Variants in CIITA observed in about 807,000 individuals in gnomAD.
CIITA encodes the protein MHC class II transactivator.
CIITA carries 72 observed loss-of-function variants against 115.1 expected under a neutral mutation model. The observed-to-expected ratio is 0.63, with a 90% CI of 0.52 to 0.76. The LOEUF (loss-of-function observed/expected upper bound fraction) is 0.76, where lower values mean the gene tolerates loss of function less well. Ranked by LOEUF, CIITA falls within the 30% of genes least tolerant of loss-of-function variation. The pLI is 0.00. For synonymous variants in CIITA, 763 were observed against 635.6 expected (o/e 1.20, Z -3.02); for missense variants, 1,617 against 1,463.8 (o/e 1.10, Z -1.71).
upstream of CIITA, among the ~76,000 whole-genome samples, chr16:10,875,236 G>A (rs910844771): frequency 6.6e-6 from 1 of 152,138 alleles, no homozygotes; most frequent in African/African-American, 2.4e-5. Context: ...TAGGATTACA[G>A]GCATGAGCCA....
rs1275991294 is a variant in CIITA at position 10,942,037 on chromosome 16, T to C, written n.1163T>C. 1.5e-6 allele frequency: 2 copies of C among 1,370,962 alleles called. No individual in the cohort carries two copies. The highest frequency in any genetic ancestry group is 3.1e-5 in the African/African-American group (2 of 65,356). 84.9% of individuals were successfully genotyped at this position (1,370,962 alleles called of 1,614,324 possible). On this transcript the variant is annotated non_coding_transcript_exon_variant, in exon 2 of 2. Coordinates refer to the CIITA transcript ENST00000573379. The surrounding 1 kb of genome is among the most constrained non-coding windows in gnomAD (Gnocchi z 5.0). Reference sequence around the variant, plus strand: ...GGTGGCAAGGGCGGCGGCCCGGCGATCCCGGCGAACTCAGCCGCTGCGGCG... The same window carrying C: ...GGTGGCAAGGGCGGCGGCCCGGCGACCCCGGCGAACTCAGCCGCTGCGGCG...
intron 1 of CIITA, among the ~76,000 whole-genome samples, chr16:10,880,582 C>G (rs1175704784): frequency 6.6e-6 from 1 of 152,204 alleles, no homozygotes; most frequent in East Asian, 1.9e-4. Flanking sequence ...AGATGTGAAC[C>G]TCCACAAATG....
In CIITA at chr16:10,920,237, A is replaced by C. The variant is rs1210360176; in HGVS notation, c.3149+1711A>C. The stretch of plus-strand genomic sequence containing the variant: ...GAAGGCGACACTTGATCTGATTTAC[A>C]CTTTTCTTTTTTCTTTTCTTTTCTT... On this transcript the variant is annotated intron_variant, in intron 16 of 19. Coordinates refer to ENST00000324288, the MANE Select transcript of CIITA (RefSeq NM_000246.4). This position sits in a 1 kb window ranked among gnomAD's most constrained non-coding sequence, Gnocchi z 4.5. 2.0e-5 allele frequency among the ~76,000 whole-genome samples: 3 copies of C among 152,132 alleles called. No individual in the cohort carries two copies. Among genetic ancestry groups the C allele is most frequent in the Admixed American group, 6.5e-5 (1 of 15,272 alleles).
In CIITA at chr16:10,918,501, C is replaced by T; in HGVS notation, c.3124C>T (p.Leu1042Phe). ...AYKLAEALPSLAASLLRLSLY... is the reference protein window; with the variant it reads ...AYKLAEALPSFAASLLRLSLY... ...CAAACTCGCCGAGGCCCTGCCTTCG[C>T]TCGCTGCATCCCTGCTCAGGCTAAG... is the stretch of plus-strand genomic sequence containing the variant. Residue 1042 changes from leucine (L) to phenylalanine (F), a missense_variant, in exon 16 of 20, where the codon CTC becomes TTC. Leu to Phe is a conservative substitution (Grantham distance 22). Transcript: ENST00000324288. 2 of 1,614,192 alleles carry T rather than the reference C, an allele frequency of 1.2e-6. No homozygotes were observed. The highest frequency in any genetic ancestry group is 2.2e-5 in the South Asian group (2 of 91,084).
chr16:10,886,998 T>C (rs570269424), intron 1 of CIITA, among the ~76,000 whole-genome samples: 3 of 152,386 alleles, frequency 2.0e-5, no homozygotes, highest in Admixed American at 1.3e-4. Flanking sequence ...GTGACTTTCT[T>C]ACGGGGTGCT....
intron 9 of CIITA, 47 bp downstream of exon 9, chr16:10,903,942 G>T: frequency 6.2e-7 from 1 of 1,612,432 alleles, no homozygotes; most frequent in South Asian, 1.1e-5. Flanking sequence ...CAGGATCGAG[G>T]CCCTGGGGAA....
Position 10,879,991 on chromosome 16 carries a change from G to A in CIITA, c.52+2609G>A, listed in dbSNP as rs1367361807. Among the ~76,000 whole-genome samples the A allele has an allele frequency of 6.6e-6, 1 of 152,166 alleles. No individual in the cohort carries two copies. The highest frequency in any genetic ancestry group is 2.4e-5 in the African/African-American group (1 of 41,428). ...GTCTAACTTTGGCAGGAAGTCTTCC[G>A]TTTCTGCTCCCCACTCCAGAGAAAA... On this transcript the variant is annotated intron_variant, in intron 1 of 19. Coordinates refer to ENST00000324288, the MANE Select transcript of CIITA (RefSeq NM_000246.4). This position sits in a 1 kb window ranked among gnomAD's most constrained non-coding sequence, Gnocchi z 4.3.
At chr16:10,881,298 GAA>G (rs140684571) in intron 1 of CIITA, among the ~76,000 whole-genome samples, 2 of 147,016 alleles carry the variant, frequency 1.4e-5, no homozygotes, top group African/African-American at 5.0e-5. Context: ...ACTGTCTCAG[GAA>G]AAAAAAAAGA....
At chr16:10,918,578 C>G (rs45558332) in intron 16 of CIITA, 52 bp downstream of exon 16, 138 of 1,509,254 alleles carry the variant, frequency 9.1e-5, no homozygotes, top group Middle Eastern at 8.6e-4. Flanking sequence ...GGCTGCAGAG[C>G]GCAGGGAACC....
rs2038023906 is a variant in CIITA, at chr16:10,895,420, T to C, written c.191T>C (p.Leu64Pro). 2 of 1,613,744 alleles carry C rather than the reference T, an allele frequency of 1.2e-6. No homozygotes were observed. Among genetic ancestry groups the C allele is most frequent in the Non-Finnish European group, 8.5e-7 (1 of 1,180,014 alleles). The stretch of plus-strand genomic sequence containing the variant: ...CTGGCTGGAGAAGAAGAGATTGAGC[T>C]CTACTCAGGTGGGCCCTCCTCCCTC... ...MDLAGEEEIELYSEPDTDTIN... is the reference protein window; with the variant it reads ...MDLAGEEEIEPYSEPDTDTIN... The change falls in exon 2 of 20, where the codon CTC (leucine) becomes CCC (proline). Residue 64 changes from leucine to proline, a missense_variant. Physicochemically the swap from Leu to Pro is moderately conservative, Grantham distance 98. Coordinates refer to ENST00000324288, the MANE Select transcript of CIITA (RefSeq NM_000246.4).
In CIITA at chr16:10,895,291, A is replaced by G. The variant is rs2038009984; in HGVS notation, c.62A>G (p.Gln21Arg). ...SYLSEPQGSS[Q>R]CATMELGPLE... ...TTGTCTTCCCTCCCAGGCAGCTCAC[A>G]GTGTGCCACCATGGAGTTGGGGCCC... The change falls in exon 2 of 20, where the codon CAG becomes CGG. Residue 21 changes from glutamine (Q) to arginine (R), a missense_variant. By Grantham distance (43) the Gln-to-Arg change is conservative. Coordinates refer to ENST00000324288, the MANE Select transcript of CIITA (RefSeq NM_000246.4). 1.9e-6 allele frequency: 3 copies of G among 1,613,870 alleles called. No individual in the cohort carries two copies. The highest frequency in any genetic ancestry group is 2.5e-6 in the Non-Finnish European group (3 of 1,180,034).
rs1159012221 is a variant in CIITA at position 10,901,059 on chromosome 16, G to T, written c.437-455G>T. On this transcript the variant is annotated intron_variant, in intron 5 of 19. Coordinates refer to ENST00000324288, the MANE Select transcript of CIITA (RefSeq NM_000246.4). This position sits in a 1 kb window ranked among gnomAD's most constrained non-coding sequence, Gnocchi z 6.8. ...ATTTGTTTAAGCAGTCCCTTGCTAA[G>T]GGACACGTGGGTTTTTAATCTGTTG... Among the ~76,000 whole-genome samples the T allele has an allele frequency of 6.6e-6, 1 of 152,136 alleles. No individual in the cohort carries two copies. Among genetic ancestry groups the T allele is most frequent in the African/African-American group, 2.4e-5 (1 of 41,422 alleles).
At chr16:10,892,405 A>G (rs1486961259) in intron 1 of CIITA, among the ~76,000 whole-genome samples, 1 of 152,058 alleles carries the variant, frequency 6.6e-6, no homozygotes, top group African/African-American at 2.4e-5. Context: ...TTACTCTTCA[A>G]TGTATTCTCT....
chr16:10,881,095 G>A (rs969512090), intron 1 of CIITA, among the ~76,000 whole-genome samples: 1 of 151,960 alleles, frequency 6.6e-6, no homozygotes, highest in African/African-American at 2.4e-5. Context: ...GCAACCTGGA[G>A]AAACCCCAAC....
Position 10,911,335 on chromosome 16 carries a change from C to A in CIITA, c.2888+1076C>A, listed in dbSNP as rs542510958. 4.2e-4 allele frequency among the ~76,000 whole-genome samples: 57 copies of A among 136,842 alleles called. No homozygotes were observed. The Middle Eastern group carries it at 0.011, about 27-fold the overall frequency. 89.8% of individuals were successfully genotyped at this position (136,842 alleles called of 152,430 possible). A position where few individuals can be genotyped will look rare whatever the true frequency, so the allele number is the denominator to read the frequency against. ...CCTTCCTTCCTTCCCTCCCTCCCTT[C>A]TTCCCCCTTTTCTTCTTTTTCTTTC... On this transcript the variant is annotated intron_variant, in intron 13 of 19. Coordinates refer to ENST00000324288, the MANE Select transcript of CIITA (RefSeq NM_000246.4).
intron 1 of CIITA, among the ~76,000 whole-genome samples, chr16:10,882,092 C>G (rs2036487270): frequency 6.6e-6 from 1 of 152,128 alleles, no homozygotes. Context: ...TTGTTCCTAC[C>G]TCTTGACTAT....
rs569144388 is a variant in CIITA, at chr16:10,869,189, A to G, written c.-21+2870A>G. Among the ~76,000 whole-genome samples, 20 of 152,282 alleles carry G rather than the reference A, an allele frequency of 1.3e-4. 2 individuals carry two copies. The highest frequency in any genetic ancestry group is 1.2e-3 in the South Asian group (6 of 4,830). ...TGGCTCCCACGTTACTCAGAGAAAA[A>G]GCTAAATCTGGACAATGGCCCACAA... On this transcript the variant is annotated intron_variant, in intron 1 of 5. Coordinates refer to the CIITA transcript ENST00000636238.
rs186754297 is a variant in CIITA, at chr16:10,893,646, T to C, written c.53-1636T>C. Among the ~76,000 whole-genome samples the C allele has an allele frequency of 6.6e-5, 10 of 151,728 alleles. No individual in the cohort carries two copies. In the East Asian group the frequency reaches 1.7e-3, roughly 27 times the overall value. On this transcript the variant is annotated intron_variant, in intron 1 of 19. Transcript: ENST00000324288. ...CAAAATGGTGAAACACTGTCTCTAC[T>C]AAAAATGCAAAAATTAGCCGGGTGT...
At chr16:10,905,271 A>G (rs1324409295) in intron 10 of CIITA, among the ~76,000 whole-genome samples, 1 of 152,146 alleles carries the variant, frequency 6.6e-6, no homozygotes, top group Admixed American at 6.6e-5. Flanking sequence ...TATTATCCCC[A>G]TTTTCCAGAT....
Sources: gnomAD v4.1 joint callset for allele counts (sites outside exome capture counted in the v4.1 genomes callset) on GRCh38, gnomAD v4.1.1 for gene constraint, Gnocchi (gnomAD v3.1) non-coding constraint, MANE v1.5 for transcripts, NCBI Gene and HGNC (gene_info 2026-07-23, HGNC 2026-07-21) for gene names.